The following CREB1 variants were observed in gnomAD, a reference collection of about 807,000 sequenced individuals.
CREB1 encodes cyclic AMP-responsive element-binding protein 1.
A neutral mutation model predicts 42.0 loss-of-function variants in CREB1; 2 were observed. That is an observed-to-expected ratio of 0.05 (90% confidence interval 0.02 to 0.15). The LOEUF (loss-of-function observed/expected upper bound fraction) is 0.15. Among genes scored for constraint, CREB1 ranks in the 10% least tolerant of loss-of-function variants. The pLI is 1.00. For missense variants in CREB1, 199 were observed against 388.9 expected, an observed-to-expected ratio of 0.51 and a Z score of 4.11; for synonymous variants, 123 against 139.9, an observed-to-expected ratio of 0.88 and a Z score of 0.85.
At chr2:207,539,265 G>A (rs1324567782) in intron 1 of CREB1, among the ~76,000 whole-genome samples, 2 of 148,644 alleles carry the variant, frequency 1.3e-5, no homozygotes, top group Admixed American at 1.4e-4. Flanking sequence ...TGTTGGCCAA[G>A]CTGGTCTCGA....
rs1188924792 is a variant in CREB1 at position 207,575,247 on chromosome 2, A to G, written c.506-25A>G. The stretch of plus-strand genomic sequence containing the variant: ...AAGTCTTATATGGTATTAAACTTGT[A>G]ACAATAAAATCCATTGGCTTTTAGT... On this transcript the variant is annotated intron_variant, in intron 5 of 7. Coordinates refer to ENST00000353267, the MANE Select transcript of CREB1 (RefSeq NM_004379.5). 24 of 1,604,894 alleles carry G rather than the reference A, an allele frequency of 1.5e-5. No homozygotes were observed. In the Admixed American group the frequency reaches 3.5e-4, roughly 24 times the overall value.
chr2:207,579,890 C>CT (rs1355068637), intron 7 of CREB1, among the ~76,000 whole-genome samples: 18 of 152,256 alleles, frequency 1.2e-4, no homozygotes, highest in Non-Finnish European at 2.4e-4. Flanking sequence ...GTATTTGACA[C>CT]TTTCGACTTC....
At chr2:207,553,588 C>G (rs1379248133) in intron 1 of CREB1, among the ~76,000 whole-genome samples, 2 of 152,072 alleles carry the variant, frequency 1.3e-5, no homozygotes, top group African/African-American at 2.4e-5. Flanking sequence ...ATGGTAATTT[C>G]ATATAAAAAA....
In CREB1 at chr2:207,600,575, T is replaced by C. The variant is rs1275959231; in HGVS notation, c.*3517T>C. On this transcript the variant is annotated 3_prime_UTR_variant, in exon 8 of 8. Transcript: ENST00000353267. ...GGCAGCTATAACAGTGGTAAGAACA[T>C]TTTGAAGATAGCTTTTTAAAGGAAC... 9.4e-6 allele frequency: 2 copies of C among 211,890 alleles called. No homozygotes were observed. The highest frequency in any genetic ancestry group is 4.5e-5 in the African/African-American group (2 of 44,186). 13.1% of individuals were successfully genotyped at this position (211,890 alleles called of 1,614,324 possible).
rs114752000 is a variant in CREB1, at chr2:207,587,235, T to C, written c.839+9580T>C. On this transcript the variant is annotated intron_variant, in intron 7 of 7. Transcript: ENST00000353267. ...GGTGAAACTCCTTCTTTACTAAAAA[T>C]CCAAAAATTCAGCCAGGCATGGTGG... Among the ~76,000 whole-genome samples, 1,031 of 151,488 alleles carry C rather than the reference T, an allele frequency of 6.8e-3. 11 individuals carry two copies. Among genetic ancestry groups the C allele is most frequent in the African/African-American group, 0.024 (989 of 41,300 alleles).
chr2:207,543,062 T>C (rs2081159189), intron 1 of CREB1, among the ~76,000 whole-genome samples: 1 of 152,230 alleles, frequency 6.6e-6, no homozygotes, highest in African/African-American at 2.4e-5. Flanking sequence ...AGTGGTATAG[T>C]ATTTGCATGT....
At chr2:207,587,817 G>C (rs1435094118) in intron 7 of CREB1, among the ~76,000 whole-genome samples, 1 of 152,152 alleles carries the variant, frequency 6.6e-6, no homozygotes, top group Non-Finnish European at 1.5e-5. Flanking sequence ...GGGAGCATGG[G>C]GAGAGGTTGG....
intron 1 of CREB1, among the ~76,000 whole-genome samples, chr2:207,540,669 TAAAAAAAAAAAAAA>T (rs35714520): frequency 1.2e-4 from 8 of 64,268 alleles, no homozygotes; most frequent in South Asian, 7.4e-4. Context: ...GTTTAAAAAG[TAAAAAAAAAAAAAA>T]AAAAAAAAAA....
intron 1 of CREB1, among the ~76,000 whole-genome samples, chr2:207,533,082 G>A (rs2080718746): frequency 6.8e-6 from 1 of 146,736 alleles, no homozygotes; most frequent in Admixed American, 6.8e-5. Flanking sequence ...GGATCTGCTT[G>A]AATCTTTTTT....
intron 7 of CREB1, among the ~76,000 whole-genome samples, chr2:207,579,618 G>A (rs1395147589): frequency 6.6e-6 from 1 of 152,084 alleles, no homozygotes; most frequent in Non-Finnish European, 1.5e-5. Flanking sequence ...GAAACTACCC[G>A]ACTTACCATG....
chr2:207,601,539 CAA>C lies in CREB1; in HGVS notation c.*4482_*4483del, dbSNP rs1388060945. ...GATGAAGATTGAAGGGAAAATAACT[CAA>C]GTGCATAATATTTATTTTCAATTTT... On this transcript the variant is annotated 3_prime_UTR_variant, in exon 8 of 8. Coordinates refer to ENST00000353267, the MANE Select transcript of CREB1 (RefSeq NM_004379.5). 1 of 198,282 alleles carries C rather than the reference CAA, an allele frequency of 5.0e-6. No homozygotes were observed. Among genetic ancestry groups the C allele is most frequent in the Non-Finnish European group, 1.0e-5 (1 of 96,006 alleles). 12.3% of individuals were successfully genotyped at this position (198,282 alleles called of 1,614,324 possible).
At chr2:207,565,015 T>C (rs1307779395) in intron 3 of CREB1, among the ~76,000 whole-genome samples, 1 of 151,758 alleles carries the variant, frequency 6.6e-6, no homozygotes, top group Non-Finnish European at 1.5e-5. Flanking sequence ...TTTTTATTGA[T>C]CTCAGTTATG....
chr2:207,603,861 T>C lies in CREB1; in HGVS notation c.*6803T>C, dbSNP rs2087575780. ...GCTTAAGCTGTAAGAATAAAAAAGT[T>C]ATCTCCTATACTATTAACTTCTGAA... On this transcript the variant is annotated 3_prime_UTR_variant, in exon 8 of 8. Coordinates refer to ENST00000353267, the MANE Select transcript of CREB1 (RefSeq NM_004379.5). 1.3e-5 allele frequency among the ~76,000 whole-genome samples: 2 copies of C among 152,218 alleles called. No homozygotes were observed. Among genetic ancestry groups the C allele is most frequent in the South Asian group, 4.1e-4 (2 of 4,832 alleles).
chr2:207,585,431 TAA>T (rs1160564643), intron 7 of CREB1, among the ~76,000 whole-genome samples: 1 of 151,950 alleles, frequency 6.6e-6, no homozygotes, highest in East Asian at 1.9e-4. Flanking sequence ...ACATCTACAG[TAA>T]AAGTCTTTCT....
At chr2:207,543,126 A>G (rs2081161497) in intron 1 of CREB1, among the ~76,000 whole-genome samples, 1 of 152,168 alleles carries the variant, frequency 6.6e-6, no homozygotes, top group Admixed American at 6.5e-5. Context: ...TACTTATAAT[A>G]CCTTATACAG....
At position 207,560,199 on chromosome 2, in the gene CREB1, A is replaced by C. The variant is rs555354610; in HGVS notation, c.115-27A>C. ...ACTGCCAAAGAGTGTCTGGGATGATAATTCTTTTCTGTGTTCAACACCATA... is the reference window on the plus strand; with the variant it reads ...ACTGCCAAAGAGTGTCTGGGATGATCATTCTTTTCTGTGTTCAACACCATA... On this transcript the variant is annotated intron_variant, in intron 2 of 7. Coordinates refer to ENST00000353267, the MANE Select transcript of CREB1 (RefSeq NM_004379.5). 7.8e-6 allele frequency: 12 copies of C among 1,535,696 alleles called. No homozygotes were observed. In the South Asian group the frequency reaches 1.1e-4, roughly 14 times the overall value.
intron 1 of CREB1, among the ~76,000 whole-genome samples, chr2:207,540,521 G>A (rs977314285): frequency 3.3e-5 from 5 of 151,842 alleles, no homozygotes; most frequent in African/African-American, 1.2e-4. Context: ...GTGCATGCCT[G>A]TAATCCCTGC....
intron 5 of CREB1, among the ~76,000 whole-genome samples, chr2:207,572,957 T>C (rs188018293): frequency 6.6e-6 from 1 of 152,370 alleles, no homozygotes; most frequent in Admixed American, 6.5e-5. Context: ...CTGTTACTTA[T>C]TAGTTCAGTG....
rs559683160 is a variant in CREB1 at position 207,558,069 on chromosome 2, A to C, written c.115-2157A>C. ...TATCCTGTGTGACTCTAATGAAGCT[A>C]TTCCATGGACCACATTTTGAGAATC... On this transcript the variant is annotated intron_variant, in intron 2 of 7. Transcript: ENST00000353267. Among the ~76,000 whole-genome samples, 4 of 152,360 alleles carry C rather than the reference A, an allele frequency of 2.6e-5. No individual in the cohort carries two copies. The East Asian group carries it at 7.7e-4, about 29-fold the overall frequency.
Sources: allele counts gnomAD v4.1 joint callset (sites outside exome capture counted in the v4.1 genomes callset), GRCh38; gene constraint gnomAD v4.1.1; transcripts MANE v1.5; gene names NCBI Gene and HGNC (gene_info 2026-07-23, HGNC 2026-07-21).